The following VTI1A variants were observed in gnomAD, a reference collection of about 807,000 sequenced individuals.
VTI1A encodes the protein vesicle transport through interaction with t-SNAREs 1A.
In VTI1A, 22 loss-of-function variants were observed where a neutral mutation model predicts 34.9. That is an observed-to-expected ratio of 0.63 (90% CI 0.45 to 0.90). The LOEUF is 0.90. Ranked by LOEUF, VTI1A falls within the 40% of genes least tolerant of loss-of-function variation. The pLI is 0.00. For synonymous variants in VTI1A, 87 were observed against 97.3 expected, an observed-to-expected ratio of 0.89 and a Z score of 0.62; for missense variants, 268 against 275.6, an observed-to-expected ratio of 0.97 and a Z score of 0.20.
chr10:112,726,932 T>C (rs1209085657), intron 7 of VTI1A, among the ~76,000 whole-genome samples: 1 of 152,320 alleles, frequency 6.6e-6, no homozygotes, highest in East Asian at 1.9e-4. Context: ...TGCCAGTCTA[T>C]GAACTATTTG....
chr10:112,840,013 A>G, the VTI1A span, among the ~76,000 whole-genome samples: 1 of 152,136 alleles, frequency 6.6e-6, no homozygotes, highest in African/African-American at 2.4e-5. Context: ...TAAAGAGCTG[A>G]GAGACTGGAT....
At chr10:112,693,120 C>G (rs527691782) in intron 7 of VTI1A, among the ~76,000 whole-genome samples, 2 of 152,220 alleles carry the variant, frequency 1.3e-5, no homozygotes, top group Non-Finnish European at 2.9e-5. Context: ...AAGTACCAAA[C>G]ATGTGTAAGT....
At chr10:112,477,105 C>T (rs1848302099) in intron 3 of VTI1A, among the ~76,000 whole-genome samples, 2 of 152,134 alleles carry the variant, frequency 1.3e-5, no homozygotes, top group African/African-American at 2.4e-5. Flanking sequence ...TTCAAGTCCT[C>T]ATAAACCTAG....
chr10:112,657,811 GTGTGTGTGTT>G (rs1328481682), intron 5 of VTI1A, among the ~76,000 whole-genome samples: 1 of 146,308 alleles, frequency 6.8e-6, no homozygotes, highest in Non-Finnish European at 1.5e-5. Flanking sequence ...TATTGTGTGT[GTGTGTGTGTT>G]TGTGTGTGTA....
At chr10:112,854,997 TG>T in the VTI1A span, among the ~76,000 whole-genome samples, 307 of 152,318 alleles carry the variant, frequency 2.0e-3, 1 homozygote, top group African/African-American at 7.1e-3. Flanking sequence ...GTCTGCCTGC[TG>T]TGGGCCTCCA....
At chr10:112,659,809 A>G (rs1185308814) in intron 5 of VTI1A, among the ~76,000 whole-genome samples, 1 of 152,228 alleles carries the variant, frequency 6.6e-6, no homozygotes, top group Non-Finnish European at 1.5e-5. Flanking sequence ...GTTGAGATGA[A>G]TGTATAATTT....
At chr10:112,557,040 A>G (rs1409653758) in intron 5 of VTI1A, among the ~76,000 whole-genome samples, 4 of 152,234 alleles carry the variant, frequency 2.6e-5, no homozygotes, top group Non-Finnish European at 4.4e-5. Context: ...AATGGTTTGA[A>G]TAAAATAACT....
chr10:112,512,566 C>T (rs901919104), intron 3 of VTI1A, among the ~76,000 whole-genome samples: 7 of 152,086 alleles, frequency 4.6e-5, no homozygotes, highest in Non-Finnish European at 1.0e-4. Flanking sequence ...TCCCATTTGT[C>T]TATTTTTGGT....
At chr10:112,716,432 T>C (rs1238964792) in intron 7 of VTI1A, among the ~76,000 whole-genome samples, 1 of 152,212 alleles carries the variant, frequency 6.6e-6, no homozygotes, top group East Asian at 1.9e-4. Flanking sequence ...AAGACATAAC[T>C]AAGCAAATTT....
intron 7 of VTI1A, among the ~76,000 whole-genome samples, chr10:112,814,412 C>G (rs911976132): frequency 6.6e-6 from 1 of 152,186 alleles, no homozygotes; most frequent in Non-Finnish European, 1.5e-5. Context: ...GGCTGTTTGA[C>G]CTAGGTTCCC....
chr10:112,708,856 A>G (rs1197043329), intron 7 of VTI1A, among the ~76,000 whole-genome samples: 4 of 152,242 alleles, frequency 2.6e-5, no homozygotes, highest in African/African-American at 7.2e-5. Context: ...TCTTCTTGAC[A>G]GTAAATAGTC....
chr10:112,545,436 C>T (rs1371649569), intron 5 of VTI1A, among the ~76,000 whole-genome samples: 1 of 152,180 alleles, frequency 6.6e-6, no homozygotes, highest in African/African-American at 2.4e-5. Context: ...TCATGAAAGG[C>T]ACAATAAAAT....
chr10:112,618,811 A>G (rs969849502), intron 5 of VTI1A, among the ~76,000 whole-genome samples: 1 of 152,114 alleles, frequency 6.6e-6, no homozygotes, highest in African/African-American at 2.4e-5. Flanking sequence ...CAAGGTGAAC[A>G]GCAGGGAGAT....
chr10:112,458,644 ATATTTTTATTTT>A (rs199782141), intron 1 of VTI1A, among the ~76,000 whole-genome samples: 273 of 149,012 alleles, frequency 1.8e-3, no homozygotes, highest in African/African-American at 5.0e-3. Flanking sequence ...AATTATATAT[ATATTTTTATTTT>A]TATTTTTATT....
chr10:112,610,757 A>C (rs1333310644), intron 5 of VTI1A, among the ~76,000 whole-genome samples: 3 of 152,068 alleles, frequency 2.0e-5, no homozygotes, highest in Non-Finnish European at 4.4e-5. Context: ...TCTACTAAAA[A>C]TACACAAAAA....
the VTI1A span, chr10:112,825,455 C>A: frequency 6.6e-6 from 1 of 152,208 alleles, no homozygotes. Flanking sequence ...GCCTCTAGCC[C>A]CCCCCAGATC....
intron 5 of VTI1A, among the ~76,000 whole-genome samples, chr10:112,552,580 G>C (rs1340501891): frequency 2.0e-5 from 3 of 151,184 alleles, no homozygotes; most frequent in African/African-American, 7.3e-5. Context: ...TGACTGGAGT[G>C]ACTTTGTTAC....
rs140734221 is a variant in VTI1A at position 112,627,548 on chromosome 10, T to C, written c.428-40670T>C. 5.8e-3 allele frequency among the ~76,000 whole-genome samples: 890 copies of C among 152,300 alleles called. 7 individuals are homozygous for C. The highest frequency in any genetic ancestry group is 9.8e-3 in the Non-Finnish European group (667 of 68,022). The stretch of plus-strand genomic sequence containing the variant: ...ACTCTAACTACTCAAATATAACCAC[T>C]ATTCATAGTAGGTATTTAAGCTTTG... On this transcript the variant is annotated intron_variant, in intron 5 of 7. Transcript: ENST00000393077.
At chr10:112,503,664 T>C (rs1849322086) in intron 3 of VTI1A, among the ~76,000 whole-genome samples, 1 of 152,212 alleles carries the variant, frequency 6.6e-6, no homozygotes, top group Non-Finnish European at 1.5e-5. Flanking sequence ...ATTATATTAA[T>C]GTTTAATTCT....
Sources: allele counts gnomAD v4.1 joint callset (sites outside exome capture counted in the v4.1 genomes callset), GRCh38; gene constraint gnomAD v4.1.1; transcripts MANE v1.5; gene names NCBI Gene and HGNC (gene_info 2026-07-23, HGNC 2026-07-21).